TLK2: variants seen among roughly 807,000 people sequenced by gnomAD.
TLK2 encodes serine/threonine-protein kinase tousled-like 2.
A neutral mutation model predicts 117.3 loss-of-function variants in TLK2; 6 were observed. The observed-to-expected ratio is 0.05, with a 90% CI of 0.03 to 0.10. TLK2 has a LOEUF of 0.10. TLK2 is among the 10% of genes least tolerant of loss of function. The pLI, the probability that TLK2 is intolerant of heterozygous loss-of-function variation, is 1.00. For missense variants in TLK2, 299 were observed against 901.2 expected, an observed-to-expected ratio of 0.33 and a Z score of 8.56; for synonymous variants, 257 against 316.7, an observed-to-expected ratio of 0.81 and a Z score of 2.00.
At chr17:62,473,422 A>G (rs2070979337) in intron 1 of TLK2, among the ~76,000 whole-genome samples, 1 of 152,244 alleles carries the variant, frequency 6.6e-6, no homozygotes, top group South Asian at 2.1e-4. Flanking sequence ...CTAAACTAAT[A>G]TAACACGCTA....
chr17:62,500,647 A>G (rs2074110252), intron 2 of TLK2, among the ~76,000 whole-genome samples: 2 of 152,222 alleles, frequency 1.3e-5, no homozygotes, highest in South Asian at 4.1e-4. Context: ...CATTTATAGA[A>G]CACTCTGCCC....
At chr17:62,540,919 C>T (rs1046163888) in intron 7 of TLK2, among the ~76,000 whole-genome samples, 18 of 152,166 alleles carry the variant, frequency 1.2e-4, no homozygotes, top group African/African-American at 4.3e-4. Context: ...TTTCCTCCAC[C>T]CTGACATGTT....
intron 6 of TLK2, among the ~76,000 whole-genome samples, chr17:62,528,953 C>G (rs1278576022): frequency 1.3e-5 from 2 of 152,196 alleles, no homozygotes; most frequent in African/African-American, 4.8e-5. Flanking sequence ...GAAGTGATCA[C>G]TTGGCTGGTT....
chr17:62,501,005 G>A (rs185706645), intron 2 of TLK2, among the ~76,000 whole-genome samples: 10 of 151,822 alleles, frequency 6.6e-5, no homozygotes, highest in Admixed American at 2.0e-4. Context: ...TTGGGAGGCC[G>A]AAGTGGGCGG....
At chr17:62,498,220 G>A (rs1332322204) in intron 2 of TLK2, among the ~76,000 whole-genome samples, 1 of 152,004 alleles carries the variant, frequency 6.6e-6, no homozygotes, top group Non-Finnish European at 1.5e-5. Flanking sequence ...GATTCCTTAG[G>A]GCTTTCAGGT....
At chr17:62,498,935 T>A (rs1012416358) in intron 2 of TLK2, among the ~76,000 whole-genome samples, 11 of 152,136 alleles carry the variant, frequency 7.2e-5, no homozygotes, top group African/African-American at 2.2e-4. Flanking sequence ...CAGTCATGGC[T>A]CTCTGCAGCC....
At chr17:62,598,144 A>G (rs994683865) in intron 17 of TLK2, among the ~76,000 whole-genome samples, 1 of 152,170 alleles carries the variant, frequency 6.6e-6, no homozygotes, top group African/African-American at 2.4e-5. Flanking sequence ...CGTGGAGTGG[A>G]ATTTTTTTAA....
intron 2 of TLK2, among the ~76,000 whole-genome samples, chr17:62,502,734 G>A (rs2074313657): frequency 6.6e-6 from 1 of 152,212 alleles, no homozygotes; most frequent in African/African-American, 2.4e-5. Context: ...ATGAACAATT[G>A]GCAGTTGAAG....
At chr17:62,574,102 T>A (rs999373341) in intron 12 of TLK2, among the ~76,000 whole-genome samples, 2 of 152,232 alleles carry the variant, frequency 1.3e-5, no homozygotes, top group African/African-American at 4.8e-5. Context: ...TCAACTAATA[T>A]GTCATTTGCT....
chr17:62,544,084 T>C (rs559543038), intron 7 of TLK2, among the ~76,000 whole-genome samples: 1 of 152,306 alleles, frequency 6.6e-6, no homozygotes, highest in East Asian at 1.9e-4. Context: ...TTGTTGAAAA[T>C]ACTGTGCTTT....
chr17:62,503,150 C>T (rs907257502), intron 2 of TLK2, among the ~76,000 whole-genome samples: 1 of 150,996 alleles, frequency 6.6e-6, no homozygotes, highest in Non-Finnish European at 1.5e-5. Context: ...AGCTCCGCCT[C>T]CCAGGTTCAC....
In TLK2 at chr17:62,540,228, G is replaced by C. The variant is rs2077420691; in HGVS notation, c.531+3891G>C. On this transcript the variant is annotated intron_variant, in intron 7 of 21. Coordinates refer to ENST00000346027, the MANE Select transcript of TLK2 (RefSeq NM_006852.6). ...GCTGGGATTTTAGGTGTGGGCCACCGTGCCTGACTTCCACAGCCTTCTACA... is the reference window on the plus strand; with the variant it reads ...GCTGGGATTTTAGGTGTGGGCCACCCTGCCTGACTTCCACAGCCTTCTACA... Among the ~76,000 whole-genome samples, 4 of 149,192 alleles carry C rather than the reference G, an allele frequency of 2.7e-5. No individual in the cohort carries two copies. In the South Asian group the frequency reaches 8.5e-4, roughly 32 times the overall value.
intron 19 of TLK2, among the ~76,000 whole-genome samples, chr17:62,603,944 G>GT (rs1181800770): frequency 2.0e-5 from 3 of 151,580 alleles, no homozygotes; most frequent in African/African-American, 7.3e-5. Flanking sequence ...GTATTTACTG[G>GT]TTACAGAATT....
chr17:62,518,692 C>T (rs1285417845), intron 2 of TLK2, among the ~76,000 whole-genome samples: 11 of 150,926 alleles, frequency 7.3e-5, no homozygotes, highest in Non-Finnish European at 1.5e-4. Flanking sequence ...GGCTACAGAG[C>T]GAGACTCCGT....
At position 62,596,365 on chromosome 17, in the gene TLK2, C is replaced by T. The variant is rs543699009; in HGVS notation, c.1461-220C>T. The stretch of plus-strand genomic sequence containing the variant: ...CTGGGATTACAGGCGTGAGCCACTA[C>T]GCCCAGCCAGAGCACCTATTATTTT... On this transcript the variant is annotated intron_variant, in intron 16 of 21. Coordinates refer to ENST00000346027, the MANE Select transcript of TLK2 (RefSeq NM_006852.6). Among the ~76,000 whole-genome samples, 8 of 152,332 alleles carry T rather than the reference C, an allele frequency of 5.3e-5. 1 individual carries two copies. In the South Asian group the frequency reaches 1.7e-3, roughly 32 times the overall value.
chr17:62,582,556 CT>C (rs2081296246), intron 15 of TLK2, among the ~76,000 whole-genome samples: 1 of 151,994 alleles, frequency 6.6e-6, no homozygotes, highest in African/African-American at 2.4e-5. Flanking sequence ...TTAATGTCTG[CT>C]TTCATTCCTT....
chr17:62,536,448 T>C, intron 7 of TLK2, 111 bp downstream of exon 7: 1 of 1,224,072 alleles, frequency 8.2e-7, no homozygotes, highest in Non-Finnish European at 1.1e-6. Context: ...AATACTTTTT[T>C]TTAAAATGTG....
intron 1 of TLK2, among the ~76,000 whole-genome samples, chr17:62,473,122 G>A (rs1166561315): frequency 6.6e-6 from 1 of 152,150 alleles, no homozygotes; most frequent in East Asian, 1.9e-4. Context: ...GGGGCTGGGG[G>A]GAAGGAGTCC....
chr17:62,521,127 T>A (rs2076017642), intron 3 of TLK2, among the ~76,000 whole-genome samples: 1 of 152,114 alleles, frequency 6.6e-6, no homozygotes, highest in South Asian at 2.1e-4. Flanking sequence ...ACCACTGCAC[T>A]CCATCCTGGG....
Sources: allele counts gnomAD v4.1 joint callset (sites outside exome capture counted in the v4.1 genomes callset), GRCh38; gene constraint gnomAD v4.1.1; transcripts MANE v1.5; gene names NCBI Gene and HGNC (gene_info 2026-07-23, HGNC 2026-07-21).